POLN: variants seen among roughly 807,000 people sequenced by gnomAD.
The protein encoded by POLN is DNA polymerase nu.
A neutral mutation model predicts 113.5 loss-of-function variants in POLN; 108 were observed. The observed-to-expected ratio is 0.95, with a 90% CI of 0.81 to 1.12. POLN has a LOEUF of 1.12. Ranked by LOEUF, POLN falls within the 50% of genes most tolerant of loss-of-function variation. The probability of loss-of-function intolerance (pLI) is 0.00; values close to 1 mark genes in which losing one functional copy is unlikely to be tolerated. For synonymous variants in POLN, 386 were observed against 391.5 expected, an observed-to-expected ratio of 0.99 and a Z score of 0.17; for missense variants, 1,097 against 1,077.1, an observed-to-expected ratio of 1.02 and a Z score of -0.26.
chr4:2,129,251 CT>C lies in POLN; in HGVS notation c.1794del (p.Glu599LysfsTer22). On this transcript the variant is annotated frameshift_variant, in exon 18 of 26. Coordinates refer to ENST00000511885, the MANE Select transcript of POLN (RefSeq NM_181808.4). LOFTEE classifies it high-confidence loss of function. ...QITTPKNFKG[K>X]EDKILTISPR... Reference sequence around the variant, plus strand: ...GGGGAGATCGTGAGAATCTTGTCTTCTTTACCTGAATTGTTATTTCAAGAGC... The same window carrying C: ...GGGGAGATCGTGAGAATCTTGTCTTCTTACCTGAATTGTTATTTCAAGAGC... 1 of 1,584,150 alleles carries C rather than the reference CT, an allele frequency of 6.3e-7. No individual in the cohort carries two copies. The highest frequency in any genetic ancestry group is 8.7e-7 in the Non-Finnish European group (1 of 1,153,102).
At position 2,179,306 on chromosome 4, in the gene POLN, A is replaced by G. The variant is rs199806372; in HGVS notation, c.1179+2T>C. On this transcript the variant is annotated splice_donor_variant, in intron 8 of 25. Transcript: ENST00000511885. LOFTEE classifies it high-confidence loss of function. ...GATAAAACTTTATCTTAAACAACTC[A>G]CCACAATATTTCTTGAGGAATTTCC... 22 of 1,609,910 alleles carry G rather than the reference A, an allele frequency of 1.4e-5. No homozygotes were observed. The African/African-American group carries it at 1.9e-4, about 14-fold the overall frequency.
intron 7 of POLN, among the ~76,000 whole-genome samples, chr4:2,183,224 G>A (rs1733186947): frequency 6.6e-6 from 1 of 152,234 alleles, no homozygotes; most frequent in Non-Finnish European, 1.5e-5. Flanking sequence ...GTGCAGCCTT[G>A]TTGGAAACAA....
intron 7 of POLN, among the ~76,000 whole-genome samples, chr4:2,190,301 T>A (rs541520343): frequency 3.9e-5 from 6 of 151,908 alleles, no homozygotes; most frequent in African/African-American, 1.2e-4. Flanking sequence ...AGAATATATA[T>A]TGGGGAAAAG....
chr4:2,228,997 G>A (rs1734481948), intron 3 of POLN, 102 bp downstream of exon 3: 8 of 1,176,660 alleles, frequency 6.8e-6, no homozygotes, highest in African/African-American at 1.6e-5. Flanking sequence ...GGCGGGAGCT[G>A]GGCTTCATCT....
At chr4:2,111,750 C>G (rs1214124998) in intron 19 of POLN, among the ~76,000 whole-genome samples, 4 of 152,128 alleles carry the variant, frequency 2.6e-5, no homozygotes, top group Non-Finnish European at 4.4e-5. Context: ...AGGATACAAA[C>G]AAATGGAAGA....
chr4:2,225,310 T>G (rs1343826560), intron 3 of POLN, among the ~76,000 whole-genome samples: 1 of 152,036 alleles, frequency 6.6e-6, no homozygotes, highest in Non-Finnish European at 1.5e-5. Flanking sequence ...GAAAAATGTC[T>G]TTGGGAAGCC....
intron 2 of POLN, chr4:2,231,072 A>G (rs1351639253): frequency 1.3e-5 from 2 of 152,210 alleles, no homozygotes; most frequent in Non-Finnish European, 2.9e-5. Flanking sequence ...GAAACTTTTG[A>G]GTCCCCAGAA....
At chr4:2,189,454 A>G (rs918002633) in intron 7 of POLN, among the ~76,000 whole-genome samples, 58 of 151,740 alleles carry the variant, frequency 3.8e-4, no homozygotes, top group African/African-American at 1.1e-3. Context: ...CCTGGCTAAC[A>G]TGGTGAAACC....
chr4:2,135,777 A>G (rs1731841256), intron 16 of POLN, among the ~76,000 whole-genome samples: 1 of 152,240 alleles, frequency 6.6e-6, no homozygotes, highest in South Asian at 2.1e-4. Flanking sequence ...TCACACGCCC[A>G]TGAGAGCATC....
chr4:2,163,042 A>C (rs1561057095), intron 13 of POLN, among the ~76,000 whole-genome samples: 1 of 151,688 alleles, frequency 6.6e-6, no homozygotes, highest in South Asian at 2.1e-4. Flanking sequence ...AAAAAAAAAA[A>C]AAAAAAAAAC....
intron 16 of POLN, among the ~76,000 whole-genome samples, chr4:2,131,887 C>G (rs1308018137): frequency 6.6e-6 from 1 of 152,202 alleles, no homozygotes; most frequent in African/African-American, 2.4e-5. Flanking sequence ...CTATTCAAAT[C>G]ATGAGAATTT....
intron 19 of POLN, among the ~76,000 whole-genome samples, chr4:2,107,818 G>A (rs1336503073): frequency 6.6e-6 from 1 of 152,166 alleles, no homozygotes; most frequent in Non-Finnish European, 1.5e-5. Context: ...GGCCTGGAAT[G>A]CTTGCCTGAG....
chr4:2,225,225 C>A lies in POLN; in HGVS notation c.133+3874G>T, dbSNP rs74406371. On this transcript the variant is annotated intron_variant, in intron 3 of 25. Coordinates refer to ENST00000511885, the MANE Select transcript of POLN (RefSeq NM_181808.4). ...GAGAGGGTTCGACAAGCAAAAAAAACCTTGAACCTTCTCACAATTTTATAT... is the reference window on the plus strand; with the variant it reads ...GAGAGGGTTCGACAAGCAAAAAAAAACTTGAACCTTCTCACAATTTTATAT... 4.4e-3 allele frequency among the ~76,000 whole-genome samples: 663 copies of A among 151,916 alleles called. 6 individuals are homozygous for A. Among genetic ancestry groups the A allele is most frequent in the African/African-American group, 0.015 (624 of 41,412 alleles).
At chr4:2,123,013 C>A (rs940841623) in intron 19 of POLN, among the ~76,000 whole-genome samples, 1 of 151,984 alleles carries the variant, frequency 6.6e-6, no homozygotes, top group African/African-American at 2.4e-5. Flanking sequence ...AAAAATCTAG[C>A]CAGGCATGCT....
chr4:2,183,904 C>T (rs1242329454), intron 7 of POLN, among the ~76,000 whole-genome samples: 1 of 146,178 alleles, frequency 6.8e-6, no homozygotes, highest in African/African-American at 2.6e-5. Context: ...TTTTTTGAGA[C>T]AGAGTCTTGC....
intron 24 of POLN, among the ~76,000 whole-genome samples, chr4:2,073,563 G>A (rs1577674395): frequency 6.6e-6 from 1 of 152,252 alleles, no homozygotes; most frequent in African/African-American, 2.4e-5. Context: ...CCCCGTTGTT[G>A]GGGCGTGGAT....
intron 19 of POLN, among the ~76,000 whole-genome samples, chr4:2,119,032 T>G (rs1731381313): frequency 6.6e-6 from 1 of 152,226 alleles, no homozygotes; most frequent in South Asian, 2.1e-4. Flanking sequence ...AAGCACCATC[T>G]TCCCTGGACA....
At chr4:2,080,696 ACC>A in intron 23 of POLN, 1 of 1,368,808 alleles carries the variant, frequency 7.3e-7, no homozygotes, top group East Asian at 2.9e-5. Context: ...CTGTGCAGAC[ACC>A]CCGAGGAGGA....
At chr4:2,073,157 T>G (rs1052784120) in intron 24 of POLN, 128 bp from the exon 25 acceptor site, 2 of 830,214 alleles carry the variant, frequency 2.4e-6, no homozygotes, top group African/African-American at 1.7e-5. Flanking sequence ...CTGTGTCCAC[T>G]CGGTCACCTG....
Sources: gnomAD v4.1 joint callset for allele counts (sites outside exome capture counted in the v4.1 genomes callset) on GRCh38, gnomAD v4.1.1 for gene constraint, MANE v1.5 for transcripts, NCBI Gene and HGNC (gene_info 2026-07-23, HGNC 2026-07-21) for gene names.